ZMYM5: variants seen among roughly 807,000 people sequenced by gnomAD.
ZMYM5 encodes the protein zinc finger MYM-type protein 5.
ZMYM5 carries 41 observed loss-of-function variants against 61.8 expected under a neutral mutation model. The observed-to-expected ratio is 0.66, with a 90% CI of 0.52 to 0.86. The LOEUF is 0.86. ZMYM5 is among the 40% of genes least tolerant of loss of function. The probability of loss-of-function intolerance (pLI) is 0.00; values close to 1 mark genes in which losing one functional copy is unlikely to be tolerated. For synonymous variants in ZMYM5, 257 were observed against 276.4 expected, an observed-to-expected ratio of 0.93 and a Z score of 0.70; for missense variants, 706 against 786.7, an observed-to-expected ratio of 0.90 and a Z score of 1.23.
chr13:19,848,015 G>A (rs1593894199), intron 4 of ZMYM5, among the ~76,000 whole-genome samples: 1 of 147,800 alleles, frequency 6.8e-6, no homozygotes, highest in African/African-American at 2.5e-5. Flanking sequence ...CTGTCGCCCA[G>A]GCTGGAGTGC....
At chr13:19,848,504 A>T (rs1287807594) in intron 4 of ZMYM5, among the ~76,000 whole-genome samples, 1 of 150,540 alleles carries the variant, frequency 6.6e-6, no homozygotes, top group African/African-American at 2.5e-5. Context: ...CTGGACTCAA[A>T]CTCCTGGGCT....
rs373596267 is a variant in ZMYM5, at chr13:19,827,347, T to C, written c.1252-2112A>G. Among the ~76,000 whole-genome samples the C allele has an allele frequency of 1.3e-3, 195 of 152,312 alleles. 1 individual carries two copies. The highest frequency in any genetic ancestry group is 4.4e-3 in the African/African-American group (183 of 41,588). On this transcript the variant is annotated intron_variant, in intron 7 of 7. Coordinates refer to ENST00000337963, the MANE Select transcript of ZMYM5 (RefSeq NM_001142684.2). ...TCAGGTATACATAATACTTTGTTCA[T>C]CAATTATTAATGACAAGTGATTACT...
At chr13:19,836,686 T>C (rs1952684639) in intron 6 of ZMYM5, among the ~76,000 whole-genome samples, 1 of 152,152 alleles carries the variant, frequency 6.6e-6, no homozygotes, top group Non-Finnish European at 1.5e-5. Flanking sequence ...AGGGAATCAA[T>C]ATTATCTGTA....
chr13:19,857,549 A>T (rs527292694), intron 2 of ZMYM5, among the ~76,000 whole-genome samples: 1 of 152,336 alleles, frequency 6.6e-6, no homozygotes, highest in East Asian at 1.9e-4. Flanking sequence ...CTGAACTACT[A>T]CCACAAATAG....
intron 2 of ZMYM5, among the ~76,000 whole-genome samples, chr13:19,854,730 CAGTT>C (rs1364274539): frequency 1.3e-5 from 2 of 151,256 alleles, no homozygotes; most frequent in Non-Finnish European, 2.9e-5. Flanking sequence ...TATATTAACT[CAGTT>C]AATGATTACT....
intron 4 of ZMYM5, among the ~76,000 whole-genome samples, chr13:19,849,650 T>C (rs1173430760): frequency 6.6e-6 from 1 of 152,168 alleles, no homozygotes; most frequent in Non-Finnish European, 1.5e-5. Context: ...TCACATAGTA[T>C]TTCGTAACCA....
chr13:19,857,388 C>A (rs904264854), intron 2 of ZMYM5, among the ~76,000 whole-genome samples: 2 of 152,168 alleles, frequency 1.3e-5, no homozygotes, highest in African/African-American at 4.8e-5. Flanking sequence ...AATAAATGTA[C>A]TTTGACCTAT....
intron 6 of ZMYM5, chr13:19,837,449 G>C (rs1680953702): frequency 1.3e-6 from 2 of 1,561,518 alleles, no homozygotes; most frequent in Admixed American, 4.4e-5. Context: ...CATAGAAACA[G>C]ATGTGTACTT....
In ZMYM5 at chr13:19,841,074, CT is replaced by C. The variant is rs559558408; in HGVS notation, c.587-2090del. 1.1e-3 allele frequency among the ~76,000 whole-genome samples: 167 copies of C among 151,378 alleles called. 2 individuals are homozygous for C. Among genetic ancestry groups the C allele is most frequent in the African/African-American group, 3.8e-3 (158 of 41,238 alleles). ...CGCCTCCCAGGTTCAAGGGATTCTCCTTGCCTCAGGCTCCCAAGTAGCTGGG... is the reference window on the plus strand; with the variant it reads ...CGCCTCCCAGGTTCAAGGGATTCTCCTGCCTCAGGCTCCCAAGTAGCTGGG... On this transcript the variant is annotated intron_variant, in intron 4 of 7. Coordinates refer to ENST00000337963, the MANE Select transcript of ZMYM5 (RefSeq NM_001142684.2).
chr13:19,835,794 A>G, intron 6 of ZMYM5, 105 bp from the exon 7 acceptor site: 2 of 802,236 alleles, frequency 2.5e-6, no homozygotes, highest in Non-Finnish European at 3.6e-6. Context: ...ATCCCTAATC[A>G]TATCTCAGAG....
Position 19,838,710 on chromosome 13 carries a change from T to C in ZMYM5, c.862A>G (p.Ile288Val). 6.2e-7 allele frequency: 1 copy of C among 1,613,990 alleles called. No individual in the cohort carries two copies. Among genetic ancestry groups the C allele is most frequent in the Non-Finnish European group, 8.5e-7 (1 of 1,179,992 alleles). ...AAAGGTACTGCTTACTTTTTACATA[T>C]TATGCTTCGTGTGTTTTGAGTACGT... ...HKRTQNTRSI[I>V]CKKDASTKKA... The change falls in exon 5 of 8, where the codon ATA (isoleucine) becomes GTA (valine). Residue 288 changes from isoleucine to valine, a missense_variant. Physicochemically the swap from Ile to Val is conservative, Grantham distance 29. Transcript: ENST00000337963.
At chr13:19,846,864 C>T (rs1404075315) in intron 4 of ZMYM5, among the ~76,000 whole-genome samples, 1 of 151,866 alleles carries the variant, frequency 6.6e-6, no homozygotes, top group Non-Finnish European at 1.5e-5. Flanking sequence ...AAGTTTGAGG[C>T]TGCAGTGAGC....
chr13:19,839,046 C>T (rs1246206904), intron 4 of ZMYM5, 61 bp from the exon 5 acceptor site: 4 of 1,565,920 alleles, frequency 2.6e-6, no homozygotes, highest in Non-Finnish European at 3.5e-6. Context: ...AGAAAAATAA[C>T]TTGCATTTTC....
chr13:19,847,615 A>G (rs1385267212), intron 4 of ZMYM5, among the ~76,000 whole-genome samples: 1 of 151,210 alleles, frequency 6.6e-6, no homozygotes, highest in Non-Finnish European at 1.5e-5. Flanking sequence ...ATGGGTAATT[A>G]TTGTGAAATG....
chr13:19,857,180 A>G (rs1334186465), intron 2 of ZMYM5, among the ~76,000 whole-genome samples: 1 of 152,266 alleles, frequency 6.6e-6, no homozygotes, highest in Non-Finnish European at 1.5e-5. Flanking sequence ...ATACTATGCT[A>G]CATTGCTACA....
intron 4 of ZMYM5, 150 bp downstream of exon 4, chr13:19,851,205 G>A: frequency 1.4e-6 from 1 of 727,618 alleles, no homozygotes; most frequent in Non-Finnish European, 2.2e-6. Flanking sequence ...GGTGAGAAGA[G>A]CGAAACTCGG....
intron 6 of ZMYM5, among the ~76,000 whole-genome samples, chr13:19,836,175 C>A (rs1402902912): frequency 6.6e-6 from 1 of 151,984 alleles, no homozygotes; most frequent in Non-Finnish European, 1.5e-5. Context: ...TTTGTAAGAT[C>A]ACTTTGATTT....
chr13:19,856,363 C>T (rs1050214547), intron 2 of ZMYM5, among the ~76,000 whole-genome samples: 1 of 151,936 alleles, frequency 6.6e-6, no homozygotes, highest in African/African-American at 2.4e-5. Context: ...AAATTATGAC[C>T]GGCCAGATGG....
At chr13:19,829,925 C>T (rs192920032) in intron 7 of ZMYM5, among the ~76,000 whole-genome samples, 165 of 152,246 alleles carry the variant, frequency 1.1e-3, no homozygotes, top group Non-Finnish European at 1.3e-3. Flanking sequence ...ACCATGCTCA[C>T]CATACACACT....
Sources: gnomAD v4.1 joint callset for allele counts (sites outside exome capture counted in the v4.1 genomes callset) on GRCh38, gnomAD v4.1.1 for gene constraint, MANE v1.5 for transcripts, NCBI Gene and HGNC (gene_info 2026-07-23, HGNC 2026-07-21) for gene names.